The following FGF14 variants were observed in gnomAD, a reference collection of about 807,000 sequenced individuals.
FGF14 encodes fibroblast growth factor homologous factor 4.
In FGF14, 5 loss-of-function variants were observed where a neutral mutation model predicts 25.5. The observed-to-expected ratio is 0.20, with a 90% CI of 0.10 to 0.41. The LOEUF is 0.41. FGF14 is among the 10% of genes least tolerant of loss of function. The pLI is 1.00. For missense variants in FGF14, 222 were observed against 320.1 expected (o/e 0.69, Z 2.34); for synonymous variants, 138 against 118.3 (o/e 1.17, Z -1.08).
chr13:102,041,743 T>C (rs1477235034), intron 1 of FGF14, among the ~76,000 whole-genome samples: 1 of 152,146 alleles, frequency 6.6e-6, no homozygotes, highest in Non-Finnish European at 1.5e-5. Context: ...CTTAACCTCA[T>C]AAAAGCCAGA....
intron 1 of FGF14, among the ~76,000 whole-genome samples, chr13:102,120,636 C>A (rs2045677241): frequency 6.6e-6 from 1 of 152,142 alleles, no homozygotes; most frequent in African/African-American, 2.4e-5. Context: ...AAATGGTCCA[C>A]AACCTGTAAG....
chr13:101,753,974 A>T (rs1566858251), intron 3 of FGF14, among the ~76,000 whole-genome samples: 1 of 152,176 alleles, frequency 6.6e-6, no homozygotes, highest in South Asian at 2.1e-4. Context: ...AAAAACAAAA[A>T]CAAAACAAAA....
intron 2 of FGF14, among the ~76,000 whole-genome samples, chr13:101,871,911 T>C (rs1358439653): frequency 6.7e-6 from 1 of 150,210 alleles, no homozygotes; most frequent in Non-Finnish European, 1.5e-5. Context: ...TTTGTGCTAC[T>C]TTTCCTTCCC....
At chr13:101,868,957 A>G (rs1189604480) in intron 2 of FGF14, 129 bp from the exon 3 acceptor site, 6 of 706,838 alleles carry the variant, frequency 8.5e-6, no homozygotes, top group East Asian at 2.8e-5. Context: ...TTCCAATTAA[A>G]TAACTTATAT....
chr13:101,907,786 G>C (rs1453264105), intron 1 of FGF14, among the ~76,000 whole-genome samples: 2 of 152,110 alleles, frequency 1.3e-5, no homozygotes, highest in Non-Finnish European at 2.9e-5. Flanking sequence ...TAATACAGGA[G>C]GATGTGGGAT....
At chr13:102,102,023 C>T (rs2044687433) in intron 1 of FGF14, among the ~76,000 whole-genome samples, 1 of 152,102 alleles carries the variant, frequency 6.6e-6, no homozygotes, top group Non-Finnish European at 1.5e-5. Flanking sequence ...TTATGAACTA[C>T]ACCCTGCAAG....
chr13:101,864,416 G>C (rs948020324), intron 3 of FGF14, among the ~76,000 whole-genome samples: 52 of 152,236 alleles, frequency 3.4e-4, no homozygotes, highest in African/African-American at 1.1e-3. Flanking sequence ...TGCTTGTTGT[G>C]TGATTGTCCA....
chr13:101,750,108 G>C (rs1430681866), intron 3 of FGF14, among the ~76,000 whole-genome samples: 3 of 152,042 alleles, frequency 2.0e-5, no homozygotes, highest in Admixed American at 2.0e-4. Context: ...CTTTGATCTG[G>C]AGTTCCCAGC....
chr13:101,805,745 C>T (rs1390049657), intron 3 of FGF14, among the ~76,000 whole-genome samples: 3 of 152,144 alleles, frequency 2.0e-5, no homozygotes, highest in South Asian at 2.1e-4. Context: ...CCCCTTCCCA[C>T]AAGCAGGTTA....
intron 1 of FGF14, among the ~76,000 whole-genome samples, chr13:102,216,182 C>T (rs542314168): frequency 6.6e-6 from 1 of 152,294 alleles, no homozygotes; most frequent in Non-Finnish European, 1.5e-5. Context: ...CCTCTCAATC[C>T]AGAGCCCAAA....
At chr13:102,256,676 C>G (rs956280481) in intron 1 of FGF14, among the ~76,000 whole-genome samples, 1 of 152,192 alleles carries the variant, frequency 6.6e-6, no homozygotes, top group African/African-American at 2.4e-5. Flanking sequence ...ACTTCCTCCA[C>G]AAGATCTGTC....
intron 1 of FGF14, among the ~76,000 whole-genome samples, chr13:101,980,290 C>G (rs190194942): frequency 2.0e-5 from 3 of 151,310 alleles, no homozygotes; most frequent in Non-Finnish European, 2.9e-5. Flanking sequence ...TTTATTTGGA[C>G]TTTACAGGGA....
chr13:101,918,984 G>A (rs2033791560), upstream of FGF14, among the ~76,000 whole-genome samples: 1 of 152,194 alleles, frequency 6.6e-6, no homozygotes, highest in Admixed American at 6.5e-5. Context: ...AAAGGGGAAT[G>A]CTAATTATTT....
chr13:102,101,023 C>T (rs1176072224), intron 1 of FGF14, among the ~76,000 whole-genome samples: 4 of 151,884 alleles, frequency 2.6e-5, no homozygotes, highest in African/African-American at 7.3e-5. Context: ...TGCTGGAACC[C>T]GGGAGGCGGA....
intron 3 of FGF14, among the ~76,000 whole-genome samples, chr13:101,752,966 G>A (rs2139850037): frequency 6.6e-6 from 1 of 152,090 alleles, no homozygotes; most frequent in East Asian, 1.9e-4. Flanking sequence ...TAAGCGAAGT[G>A]GGGCTGCTAT....
intron 1 of FGF14, among the ~76,000 whole-genome samples, chr13:101,885,753 C>T (rs1268062546): frequency 6.6e-6 from 1 of 150,904 alleles, no homozygotes; most frequent in Non-Finnish European, 1.5e-5. Context: ...CCAGAGAAAC[C>T]TGGAGCTGCA....
intron 3 of FGF14, among the ~76,000 whole-genome samples, chr13:101,817,421 T>A (rs1566936851): frequency 6.6e-6 from 1 of 152,206 alleles, no homozygotes; most frequent in Non-Finnish European, 1.5e-5. Context: ...GATTACTTTT[T>A]TGAGACTTAT....
intron 1 of FGF14, among the ~76,000 whole-genome samples, chr13:102,401,269 GA>G (rs1263229605): frequency 2.0e-5 from 3 of 151,812 alleles, no homozygotes; most frequent in Non-Finnish European, 2.9e-5. Context: ...ACAGCCAAGG[GA>G]TGCCAATAAT....
chr13:102,034,370 A>T (rs1245139350), intron 1 of FGF14, among the ~76,000 whole-genome samples: 1 of 152,152 alleles, frequency 6.6e-6, no homozygotes, highest in Non-Finnish European at 1.5e-5. Context: ...CAAGCAAGTG[A>T]TTTGTATAAA....
Sources: gnomAD v4.1 joint callset for allele counts (sites outside exome capture counted in the v4.1 genomes callset) on GRCh38, gnomAD v4.1.1 for gene constraint, MANE v1.5 for transcripts, NCBI Gene and HGNC (gene_info 2026-07-23, HGNC 2026-07-21) for gene names.